Variants in RASGRP3 observed in about 807,000 individuals in gnomAD.
The protein encoded by RASGRP3 is RAS guanyl releasing protein 3, also known as ras guanyl-releasing protein 3.
RASGRP3 carries 54 observed loss-of-function variants against 82.7 expected under a neutral mutation model. That is an observed-to-expected ratio of 0.65 (90% confidence interval 0.52 to 0.82). The LOEUF is 0.82. Among genes scored for constraint, RASGRP3 ranks in the 40% least tolerant of loss-of-function variants. The pLI is 0.00. For synonymous variants in RASGRP3, 309 were observed against 300.5 expected (o/e 1.03, Z -0.29); for missense variants, 861 against 828.9 (o/e 1.04, Z -0.48).
chr2:33,463,774 G>A (rs1666515660), intron 2 of RASGRP3, among the ~76,000 whole-genome samples: 1 of 151,334 alleles, frequency 6.6e-6, no homozygotes, highest in Admixed American at 6.6e-5. Context: ...TATTTTTTTT[G>A]TATTTTTAGT....
At chr2:33,437,905 G>T (rs1203212723) in intron 1 of RASGRP3, among the ~76,000 whole-genome samples, 3 of 152,070 alleles carry the variant, frequency 2.0e-5, no homozygotes, top group Admixed American at 2.0e-4. Context: ...CAAACCCTCA[G>T]CATTTATTTT....
chr2:33,546,781 G>A (rs1008666006), intron 13 of RASGRP3, among the ~76,000 whole-genome samples: 1 of 151,860 alleles, frequency 6.6e-6, no homozygotes, highest in Admixed American at 6.6e-5. Flanking sequence ...AAAAAAGAAC[G>A]AGATTGCCAG....
At chr2:33,453,559 C>T (rs916033207) in intron 2 of RASGRP3, among the ~76,000 whole-genome samples, 85 of 152,296 alleles carry the variant, frequency 5.6e-4, no homozygotes, top group African/African-American at 2.0e-3. Flanking sequence ...TGGCATCTGA[C>T]TGGCTTCTTT....
Position 33,527,365 on chromosome 2 carries a change from G to C in RASGRP3, c.1036G>C (p.Ala346Pro), listed in dbSNP as rs775176221. Residue 346 changes from alanine (A) to proline (P), a missense_variant, in exon 10 of 18, where the codon GCC becomes CCC. Ala to Pro is a conservative substitution (Grantham distance 27). Coordinates refer to ENST00000403687, the MANE Select transcript of RASGRP3 (RefSeq NM_001139488.2). ...GAGTGAACTAGTCTCCCTGCAGAAT[G>C]CCTCTCACCACTTAGAACCCAACAT... ...TLSELVSLQN[A>P]SHHLEPNMDL... is the part of the protein sequence containing the mutation. The C allele has an allele frequency of 1.4e-5, 23 of 1,613,798 alleles. No homozygotes were observed. The highest frequency in any genetic ancestry group is 1.9e-5 in the Non-Finnish European group (22 of 1,179,848).
intron 14 of RASGRP3, 149 bp downstream of exon 14, chr2:33,549,900 C>A: frequency 2.8e-6 from 3 of 1,070,164 alleles, no homozygotes; most frequent in Non-Finnish European, 3.9e-6. Context: ...AGATTAAACA[C>A]CAAAGGCAAG....
chr2:33,539,566 A>C, intron 12 of RASGRP3: 1 of 166,188 alleles, frequency 6.0e-6, no homozygotes, highest in Non-Finnish European at 1.3e-5. Flanking sequence ...TTGATTACCC[A>C]AGGGCAGGAA....
At chr2:33,467,985 TTTCTTTCTTTCTTTC>T (rs1558409741) in intron 2 of RASGRP3, among the ~76,000 whole-genome samples, 2 of 13,598 alleles carry the variant, frequency 1.5e-4, no homozygotes, top group East Asian at 1.7e-3. Context: ...AGGCTTTTTC[TTTCTTTCTTTCTTTC>T]TTTCTTTCTT....
chr2:33,543,610 T>A lies in RASGRP3; in HGVS notation c.1377T>A (p.Cys459Ter). ...AANFPFLDSFCVLDKDQDGLI... is the reference protein window; with the variant it reads ...AANFPFLDSF ...ATTTTCCCTTCTTGGATTCCTTCTG[T>A]GTTCTGGACAAAGATCAGTAAGTTT... is the stretch of plus-strand genomic sequence containing the variant. The change falls in exon 13 of 18, where the codon TGT (cysteine) becomes TGA (stop). Residue 459 changes from cysteine (C) to a stop codon, truncating the protein, a stop_gained. Coordinates refer to ENST00000403687, the MANE Select transcript of RASGRP3 (RefSeq NM_001139488.2). LOFTEE classifies it high-confidence loss of function. 6.3e-7 allele frequency: 1 copy of A among 1,598,880 alleles called. No homozygotes were observed. Among genetic ancestry groups the A allele is most frequent in the Non-Finnish European group, 8.6e-7 (1 of 1,167,062 alleles).
chr2:33,495,618 A>C (rs927399564), intron 1 of RASGRP3, among the ~76,000 whole-genome samples: 1 of 152,202 alleles, frequency 6.6e-6, no homozygotes, highest in South Asian at 2.1e-4. Context: ...TGGACGAGGC[A>C]TGGTGCCTCA....
intron 12 of RASGRP3, chr2:33,539,486 A>C (rs1405470199): frequency 3.4e-6 from 1 of 290,142 alleles, no homozygotes; most frequent in African/African-American, 2.2e-5. Context: ...CATTGTCAAC[A>C]GCTCAAGGGA....
intron 2 of RASGRP3, among the ~76,000 whole-genome samples, chr2:33,463,481 T>C (rs1666494597): frequency 6.6e-6 from 1 of 151,980 alleles, no homozygotes; most frequent in Non-Finnish European, 1.5e-5. Flanking sequence ...GACCAATTTG[T>C]CTGGAAATTT....
intron 12 of RASGRP3, among the ~76,000 whole-genome samples, chr2:33,541,852 G>C (rs2151074722): frequency 6.8e-6 from 1 of 147,308 alleles, no homozygotes; most frequent in African/African-American, 2.4e-5. Flanking sequence ...GTCATGCCAA[G>C]AAAGGCCTTT....
chr2:33,512,766 G>T (rs1422078326), intron 2 of RASGRP3, among the ~76,000 whole-genome samples: 1 of 152,096 alleles, frequency 6.6e-6, no homozygotes, highest in East Asian at 1.9e-4. Context: ...TATTAATTTA[G>T]TGAATAATTT....
chr2:33,546,350 G>A (rs1256379636), intron 13 of RASGRP3, among the ~76,000 whole-genome samples: 13 of 151,146 alleles, frequency 8.6e-5, no homozygotes, highest in East Asian at 3.9e-4. Context: ...ATGAACCCGC[G>A]AGGCGGAGCT....
intron 1 of RASGRP3, among the ~76,000 whole-genome samples, chr2:33,441,837 T>C (rs763684931): frequency 6.6e-6 from 1 of 152,210 alleles, no homozygotes; most frequent in Non-Finnish European, 1.5e-5. Context: ...CTTAAAAACA[T>C]CATAAATTGA....
chr2:33,556,928 C>CACACATACAT (rs1553366467), intron 15 of RASGRP3, among the ~76,000 whole-genome samples: 2,238 of 148,390 alleles, frequency 0.015, 47 homozygotes, highest in African/African-American at 0.04. Flanking sequence ...CACACACACA[C>CACACATACAT]GCAATTTTAT....
At chr2:33,523,671 G>T (rs111670294) in intron 7 of RASGRP3, among the ~76,000 whole-genome samples, 1 of 152,106 alleles carries the variant, frequency 6.6e-6, no homozygotes, top group African/African-American at 2.4e-5. Context: ...GTGTCTTTGC[G>T]TGGGGTGAGT....
In RASGRP3 at chr2:33,488,740, G is replaced by A. The variant is rs17013135; in HGVS notation, c.-261+12033G>A. Among the ~76,000 whole-genome samples, 447 of 152,300 alleles carry A rather than the reference G, an allele frequency of 2.9e-3. 2 individuals carry two copies. Among genetic ancestry groups the A allele is most frequent in the African/African-American group, 0.01 (422 of 41,572 alleles). On this transcript the variant is annotated intron_variant, in intron 1 of 17. Transcript: ENST00000403687. The stretch of plus-strand genomic sequence containing the variant: ...AAAGCTTTAAAATGTTCTCAATTAT[G>A]TCAAATTCTGACATGTTAAATCTTG...
At chr2:33,501,298 T>C (rs575302608) in intron 1 of RASGRP3, among the ~76,000 whole-genome samples, 7 of 152,360 alleles carry the variant, frequency 4.6e-5, no homozygotes, top group South Asian at 4.1e-4. Flanking sequence ...TATGGAGATA[T>C]ACTTCATTTT....
Sources: allele counts gnomAD v4.1 joint callset (sites outside exome capture counted in the v4.1 genomes callset), GRCh38; gene constraint gnomAD v4.1.1; transcripts MANE v1.5; gene names NCBI Gene and HGNC (gene_info 2026-07-23, HGNC 2026-07-21).